The following LRRTM4 variants were observed in gnomAD, a reference collection of about 807,000 sequenced individuals.
LRRTM4 encodes leucine-rich repeat transmembrane neuronal protein 4.
Under a neutral mutation model 47.6 loss-of-function variants are expected in LRRTM4, and 25 were observed. The observed-to-expected ratio is 0.53, with a 90% CI of 0.38 to 0.73. LRRTM4 has a LOEUF of 0.73. Ranked by LOEUF, LRRTM4 falls within the 30% of genes least tolerant of loss-of-function variation. LRRTM4 has a pLI of 0.00. For missense variants in LRRTM4, 638 were observed against 713.4 expected (o/e 0.89, Z 1.20); for synonymous variants, 311 against 269.5 (o/e 1.15, Z -1.51).
chr2:77,128,655 G>A (rs781641082), intron 3 of LRRTM4, among the ~76,000 whole-genome samples: 34 of 152,068 alleles, frequency 2.2e-4, no homozygotes, highest in East Asian at 9.7e-4. Context: ...CTGATGAGAC[G>A]AAATCTCACT....
chr2:76,939,832 A>G (rs563667599), intron 3 of LRRTM4, among the ~76,000 whole-genome samples: 1 of 152,134 alleles, frequency 6.6e-6, no homozygotes, highest in African/African-American at 2.4e-5. Context: ...ATTTCTCAGG[A>G]AATTTTGAAA....
At chr2:76,818,910 T>TGAC (rs1186325396) in intron 3 of LRRTM4, among the ~76,000 whole-genome samples, 1 of 151,824 alleles carries the variant, frequency 6.6e-6, no homozygotes, top group Non-Finnish European at 1.5e-5. Flanking sequence ...GTTTGATTAG[T>TGAC]TTTACTAGTA....
chr2:76,854,144 A>T (rs1672076743), intron 3 of LRRTM4, among the ~76,000 whole-genome samples: 1 of 152,154 alleles, frequency 6.6e-6, no homozygotes, highest in Non-Finnish European at 1.5e-5. Context: ...ACATTACGAG[A>T]AGATGAACTA....
intron 3 of LRRTM4, among the ~76,000 whole-genome samples, chr2:77,347,306 G>A (rs1671598915): frequency 6.6e-6 from 1 of 152,146 alleles, no homozygotes; most frequent in South Asian, 2.1e-4. Flanking sequence ...GCCTTTGTAA[G>A]TAGCACCTTT....
intron 3 of LRRTM4, among the ~76,000 whole-genome samples, chr2:77,159,688 G>T (rs1289258274): frequency 6.6e-6 from 1 of 152,020 alleles, no homozygotes; most frequent in East Asian, 1.9e-4. Flanking sequence ...CAGTCTCAGG[G>T]TGGGCAGAGG....
At chr2:76,975,403 C>CTTATTTATTTAT (rs34131318) in intron 3 of LRRTM4, among the ~76,000 whole-genome samples, 6 of 149,312 alleles carry the variant, frequency 4.0e-5, no homozygotes, top group African/African-American at 9.9e-5. Context: ...TCATAAGAGA[C>CTTATTTATTTAT]TTATTTATTT....
At chr2:76,802,154 T>G (rs1675730999) in intron 3 of LRRTM4, among the ~76,000 whole-genome samples, 1 of 151,452 alleles carries the variant, frequency 6.6e-6, no homozygotes, top group Non-Finnish European at 1.5e-5. Flanking sequence ...ATAAAAGTCA[T>G]CTAAACTGGA....
chr2:77,181,992 C>A (rs533003285), intron 3 of LRRTM4, among the ~76,000 whole-genome samples: 1 of 152,234 alleles, frequency 6.6e-6, no homozygotes, highest in Non-Finnish European at 1.5e-5. Flanking sequence ...ATTAGTTCAA[C>A]AGTTGTGGAA....
chr2:76,807,951 TTC>T (rs1348528325), intron 3 of LRRTM4, among the ~76,000 whole-genome samples: 9 of 145,654 alleles, frequency 6.2e-5, no homozygotes, highest in African/African-American at 1.2e-4. Flanking sequence ...CTTTCTTTCT[TTC>T]TTTTTCTTTT....
intron 3 of LRRTM4, among the ~76,000 whole-genome samples, chr2:76,774,401 A>C (rs754927375): frequency 6.6e-6 from 1 of 152,080 alleles, no homozygotes; most frequent in Non-Finnish European, 1.5e-5. Flanking sequence ...CATGTTGGCC[A>C]GTGTGGTCTC....
intron 3 of LRRTM4, among the ~76,000 whole-genome samples, chr2:77,106,200 A>ATT (rs1164214672): frequency 4.6e-5 from 7 of 152,294 alleles, no homozygotes; most frequent in African/African-American, 1.4e-4. Context: ...GACACTCTAA[A>ATT]TGATTTTCAT....
intron 3 of LRRTM4, among the ~76,000 whole-genome samples, chr2:76,954,916 C>A (rs926407219): frequency 6.6e-6 from 1 of 151,102 alleles, no homozygotes; most frequent in African/African-American, 2.4e-5. Flanking sequence ...GTGCTGGGGA[C>A]AAAACAAAAA....
At chr2:76,781,368 A>C (rs997002338) in intron 3 of LRRTM4, among the ~76,000 whole-genome samples, 1 of 152,138 alleles carries the variant, frequency 6.6e-6, no homozygotes, top group South Asian at 2.1e-4. Context: ...GCCGCCTTGC[A>C]GTTTGATCTC....
rs1410844092 is a variant in LRRTM4 at position 77,137,382 on chromosome 2, T to C, written c.1551+380936A>G. Among the ~76,000 whole-genome samples the C allele has an allele frequency of 2.0e-5, 3 of 151,818 alleles. 1 individual carries two copies. The highest frequency in any genetic ancestry group is 7.3e-5 in the African/African-American group (3 of 41,158). On this transcript the variant is annotated intron_variant, in intron 3 of 3. Coordinates refer to ENST00000409884, the MANE Select transcript of LRRTM4 (RefSeq NM_001134745.3). Reference sequence around the variant, plus strand: ...TCATATCCAGCCAAACTAAGCTTCGTAAGTGAAGGAGAAATAAAATCCTTT... The same window carrying C: ...TCATATCCAGCCAAACTAAGCTTCGCAAGTGAAGGAGAAATAAAATCCTTT...
At chr2:77,483,924 A>G (rs1677812918) in intron 3 of LRRTM4, among the ~76,000 whole-genome samples, 1 of 152,186 alleles carries the variant, frequency 6.6e-6, no homozygotes, top group African/African-American at 2.4e-5. Context: ...CTATCTGTCA[A>G]TCTTGTATAG....
chr2:77,443,272 A>G (rs751953370), intron 3 of LRRTM4, among the ~76,000 whole-genome samples: 23 of 152,162 alleles, frequency 1.5e-4, no homozygotes, highest in Admixed American at 1.1e-3. Flanking sequence ...TTAAGCTTAT[A>G]AATGATGACT....
intron 3 of LRRTM4, among the ~76,000 whole-genome samples, chr2:77,449,973 G>T (rs1259574828): frequency 2.0e-5 from 3 of 152,104 alleles, no homozygotes; most frequent in African/African-American, 7.2e-5. Context: ...GCAGGACCAA[G>T]TCTATAGTAA....
intron 3 of LRRTM4, among the ~76,000 whole-genome samples, chr2:76,913,456 T>A (rs1054998637): frequency 9.9e-5 from 15 of 152,090 alleles, no homozygotes; most frequent in African/African-American, 3.6e-4. Context: ...ACATTGAAAA[T>A]GTTTTCCTTC....
At chr2:76,871,083 A>G (rs548036927) in intron 3 of LRRTM4, among the ~76,000 whole-genome samples, 11 of 152,322 alleles carry the variant, frequency 7.2e-5, no homozygotes, top group African/African-American at 2.6e-4. Context: ...AAAAATCAAT[A>G]TCAATACAAC....
Sources: allele counts gnomAD v4.1 joint callset (sites outside exome capture counted in the v4.1 genomes callset), GRCh38; gene constraint gnomAD v4.1.1; transcripts MANE v1.5; gene names NCBI Gene and HGNC (gene_info 2026-07-23, HGNC 2026-07-21).